Variants in DLGAP2 observed in about 807,000 individuals in gnomAD.
The protein encoded by DLGAP2 is disks large-associated protein 2.
Under a neutral mutation model 100.3 loss-of-function variants are expected in DLGAP2, and 26 were observed. The observed-to-expected ratio is 0.26, with a 90% CI of 0.19 to 0.36. The LOEUF (loss-of-function observed/expected upper bound fraction) is 0.36, where lower values mean the gene tolerates loss of function less well. Among genes scored for constraint, DLGAP2 ranks in the 10% least tolerant of loss-of-function variants. The probability of loss-of-function intolerance (pLI) is 1.00; values close to 1 mark genes in which losing one functional copy is unlikely to be tolerated. For synonymous variants in DLGAP2, 886 were observed against 630.1 expected (o/e 1.41, Z -6.08); for missense variants, 1,858 against 1,453.2 (o/e 1.28, Z -4.53).
At chr8:1,434,738 G>T (rs140820518) in intron 3 of DLGAP2, among the ~76,000 whole-genome samples, 1 of 152,178 alleles carries the variant, frequency 6.6e-6, no homozygotes. Flanking sequence ...GTCTTCCAAA[G>T]TGCTGGGATT....
chr8:1,455,774 T>C (rs1256514747), intron 3 of DLGAP2, among the ~76,000 whole-genome samples: 1 of 152,206 alleles, frequency 6.6e-6, no homozygotes, highest in Non-Finnish European at 1.5e-5. Flanking sequence ...AGCTGCATCA[T>C]GCCACTGAGT....
chr8:982,883 ATT>A (rs35686773), intron 2 of DLGAP2, among the ~76,000 whole-genome samples: 2,485 of 117,300 alleles, frequency 0.021, 59 homozygotes, highest in African/African-American at 0.069. Context: ...TAAAGGTAGG[ATT>A]TTTTTTTTTT....
chr8:1,004,186 A>G (rs1352732633), intron 2 of DLGAP2, among the ~76,000 whole-genome samples: 1 of 152,210 alleles, frequency 6.6e-6, no homozygotes, highest in Admixed American at 6.5e-5. Flanking sequence ...AAATGGAAAC[A>G]CTGGCTCTAA....
intron 2 of DLGAP2, among the ~76,000 whole-genome samples, chr8:1,182,532 G>A (rs1332219599): frequency 1.3e-5 from 2 of 152,228 alleles, no homozygotes; most frequent in African/African-American, 2.4e-5. Flanking sequence ...TCACACGTGT[G>A]ATGTCTATGT....
chr8:1,031,022 T>G (rs937541197), intron 2 of DLGAP2, among the ~76,000 whole-genome samples: 3 of 152,218 alleles, frequency 2.0e-5, no homozygotes, highest in African/African-American at 7.2e-5. Flanking sequence ...TAGAAAAGGT[T>G]GTTTTTCCTG....
At chr8:1,311,638 A>G (rs1230495443) in intron 3 of DLGAP2, among the ~76,000 whole-genome samples, 5 of 152,278 alleles carry the variant, frequency 3.3e-5, no homozygotes, top group African/African-American at 1.2e-4. Flanking sequence ...AAATTAATTA[A>G]CACTACCTGC....
intron 3 of DLGAP2, among the ~76,000 whole-genome samples, chr8:1,360,009 A>C (rs1222470856): frequency 6.6e-6 from 1 of 152,166 alleles, no homozygotes; most frequent in Non-Finnish European, 1.5e-5. Context: ...TGTTTCAGCA[A>C]AGAATCCAAA....
At chr8:1,689,284 C>G (rs1799195872) in intron 12 of DLGAP2, among the ~76,000 whole-genome samples, 1 of 152,158 alleles carries the variant, frequency 6.6e-6, no homozygotes, top group African/African-American at 2.4e-5. Context: ...TCAGGCCATG[C>G]CCGGCACAAG....
rs577045520 is a variant in DLGAP2, at chr8:1,374,959, G to C, written c.106+116076G>C. Among the ~76,000 whole-genome samples the C allele has an allele frequency of 7.6e-4, 116 of 151,644 alleles. 1 individual carries two copies. In the South Asian group the frequency reaches 0.023, roughly 30 times the overall value. The stretch of plus-strand genomic sequence containing the variant: ...GCATTGTCCTCACTGACAGCAGGTG[G>C]TCGATCTCAAGCCCAATACCACAGC... On this transcript the variant is annotated intron_variant, in intron 3 of 14. Coordinates refer to ENST00000637795, the MANE Select transcript of DLGAP2 (RefSeq NM_001346810.2).
intron 4 of DLGAP2, among the ~76,000 whole-genome samples, chr8:1,510,374 T>A (rs910660704): frequency 2.0e-5 from 3 of 152,188 alleles, no homozygotes; most frequent in African/African-American, 7.2e-5. Flanking sequence ...CCAGAGGAAC[T>A]CTGCAGTGCG....
intron 2 of DLGAP2, among the ~76,000 whole-genome samples, chr8:1,213,488 A>T (rs891991628): frequency 6.6e-6 from 1 of 152,198 alleles, no homozygotes; most frequent in African/African-American, 2.4e-5. Context: ...TGCTCACATT[A>T]TAATGTTAAA....
chr8:1,269,329 G>A (rs1013692787), intron 3 of DLGAP2, among the ~76,000 whole-genome samples: 20 of 152,204 alleles, frequency 1.3e-4, no homozygotes, highest in African/African-American at 4.8e-4. Flanking sequence ...TCCTGGTACG[G>A]GGAGGATGGG....
intron 2 of DLGAP2, among the ~76,000 whole-genome samples, chr8:1,172,554 C>T (rs1423448278): frequency 6.6e-6 from 1 of 152,176 alleles, no homozygotes; most frequent in African/African-American, 2.4e-5. Flanking sequence ...TTCACATAGT[C>T]CCATATTTCT....
intron 2 of DLGAP2, among the ~76,000 whole-genome samples, chr8:1,151,441 T>C (rs1317080669): frequency 6.6e-6 from 1 of 152,210 alleles, no homozygotes; most frequent in Admixed American, 6.5e-5. Context: ...ACCTTTGGCC[T>C]ACGCGGGGGC....
intron 2 of DLGAP2, among the ~76,000 whole-genome samples, chr8:931,189 G>C (rs1235116257): frequency 1.3e-5 from 2 of 152,204 alleles, no homozygotes; most frequent in African/African-American, 4.8e-5. Flanking sequence ...CTTGCTCCTG[G>C]ATCTTGGTCC....
chr8:1,625,899 C>T (rs1797478293), intron 6 of DLGAP2, among the ~76,000 whole-genome samples: 1 of 151,894 alleles, frequency 6.6e-6, no homozygotes, highest in African/African-American at 2.4e-5. Context: ...AAGACACAGA[C>T]ATTCAGTTGG....
chr8:930,428 G>T (rs1044225372), intron 2 of DLGAP2, among the ~76,000 whole-genome samples: 1 of 152,222 alleles, frequency 6.6e-6, no homozygotes, highest in Non-Finnish European at 1.5e-5. Flanking sequence ...GGGACTCCAG[G>T]CACACACAGC....
intron 2 of DLGAP2, among the ~76,000 whole-genome samples, chr8:1,039,154 A>ATGCGTGGTCAGCTCGGTG (rs150735142): frequency 0.087 from 13,020 of 148,838 alleles, 1,127 homozygotes; most frequent in African/African-American, 0.21. Context: ...CCATGTGGAA[A>ATGCGTGGTCAGCTCGGTG]TGCGTGGTCA....
Position 1,267,604 on chromosome 8 carries a change from AAGATAAGATAAGATAAGAT to A in DLGAP2, c.106+8723_106+8741del, listed in dbSNP as rs1479106682. On this transcript the variant is annotated intron_variant, in intron 3 of 14. Transcript: ENST00000637795. ...AAAATAAAATAAGATAAGATAAGATAAGATAAGATAAGATAAGATAAATATTAAATAGGTCTACAAAAAG... is the reference window on the plus strand; with the variant it reads ...AAAATAAAATAAGATAAGATAAGATAAAATATTAAATAGGTCTACAAAAAG... Among the ~76,000 whole-genome samples the A allele has an allele frequency of 3.7e-4, 28 of 76,264 alleles. 2 individuals are homozygous for A. Among genetic ancestry groups the A allele is most frequent in the African/African-American group, 7.9e-4 (13 of 16,370 alleles). 50.0% of individuals were successfully genotyped at this position (76,264 alleles called of 152,430 possible).
Sources: gnomAD v4.1 joint callset for allele counts (sites outside exome capture counted in the v4.1 genomes callset) on GRCh38, gnomAD v4.1.1 for gene constraint, MANE v1.5 for transcripts, NCBI Gene and HGNC (gene_info 2026-07-23, HGNC 2026-07-21) for gene names.